Variants in RHCE observed in about 807,000 individuals in gnomAD.
RHCE encodes blood group Rh(CE) polypeptide.
In RHCE, 22 loss-of-function variants were observed where a neutral mutation model predicts 43.8. The observed-to-expected ratio is 0.50, with a 90% confidence interval of 0.36 to 0.72. The LOEUF (loss-of-function observed/expected upper bound fraction) is 0.72. Among genes scored for constraint, RHCE ranks in the 30% least tolerant of loss-of-function variants. RHCE has a pLI of 0.00. For missense variants in RHCE, 385 were observed against 525.4 expected (o/e 0.73, Z 2.61); for synonymous variants, 156 against 210.7 (o/e 0.74, Z 2.25).
chr1:25,401,250 T>A (rs1248818464), intron 3 of RHCE, among the ~76,000 whole-genome samples: 1 of 152,194 alleles, frequency 6.6e-6, no homozygotes, highest in African/African-American at 2.4e-5. Flanking sequence ...TATGTGGTAG[T>A]ACTGCTACCC....
chr1:25,412,415 A>G (rs1307203330), intron 1 of RHCE, among the ~76,000 whole-genome samples: 1 of 152,136 alleles, frequency 6.6e-6, no homozygotes, highest in African/African-American at 2.4e-5. Flanking sequence ...TTGGGGCCCT[A>G]AAGATTAGGA....
intron 7 of RHCE, among the ~76,000 whole-genome samples, chr1:25,379,473 ATATATATATATATATATATATATTTTTT>A (rs1369036119): frequency 8.7e-4 from 11 of 12,586 alleles, no homozygotes; most frequent in African/African-American, 1.7e-3. Flanking sequence ...ATATATATAT[ATATATATATATATATATATATATTTTTT>A]TTTTTTTTTT....
At chr1:25,380,786 C>T (rs1403508720) in intron 7 of RHCE, among the ~76,000 whole-genome samples, 1 of 151,888 alleles carries the variant, frequency 6.6e-6, no homozygotes, top group Non-Finnish European at 1.5e-5. Context: ...GAGCTCTGGG[C>T]CAGTAATGGG....
chr1:25,391,973 C>T, intron 4 of RHCE, 21 bp downstream of exon 4: 1 of 1,613,196 alleles, frequency 6.2e-7, no homozygotes. Flanking sequence ...TATGAGACCA[C>T]TCACCCCACC....
chr1:25,383,466 G>C (rs1646059596), intron 7 of RHCE, among the ~76,000 whole-genome samples: 1 of 152,046 alleles, frequency 6.6e-6, no homozygotes, highest in South Asian at 2.1e-4. Flanking sequence ...ATAAAGAACG[G>C]GGCTATGTTC....
intron 2 of RHCE, among the ~76,000 whole-genome samples, chr1:25,406,600 A>G (rs1646928885): frequency 9.0e-6 from 1 of 110,512 alleles, no homozygotes; most frequent in African/African-American, 2.8e-5. Context: ...GGCATGAACC[A>G]CCGCGCCTGG....
Position 25,402,757 on chromosome 1 carries a change from G to A in RHCE, c.336-11C>T. The A allele has an allele frequency of 6.2e-7, 1 of 1,614,148 alleles. No individual in the cohort carries two copies. The highest frequency in any genetic ancestry group is 8.5e-7 in the Non-Finnish European group (1 of 1,180,000). On this transcript the variant is annotated splice_polypyrimidine_tract_variant and intron_variant, in intron 2 of 9. Coordinates refer to ENST00000294413, the MANE Select transcript of RHCE (RefSeq NM_020485.8). ...GTGGCCAGCCGAATACTGGGGGTGAGAAGGAGAGCCAGGATGACTGAGAAG... is the reference window on the plus strand; with the variant it reads ...GTGGCCAGCCGAATACTGGGGGTGAAAAGGAGAGCCAGGATGACTGAGAAG...
At chr1:25,421,715 A>G (rs1435296388), upstream of RHCE, among the ~76,000 whole-genome samples, 1 of 152,192 alleles carries the variant, frequency 6.6e-6, no homozygotes, top group African/African-American at 2.4e-5. Context: ...GCCTGGCAGA[A>G]GGTCTGGTAC....
intron 7 of RHCE, among the ~76,000 whole-genome samples, chr1:25,377,517 TA>T (rs1422266703): frequency 2.6e-5 from 4 of 151,876 alleles, no homozygotes; most frequent in African/African-American, 9.7e-5. Flanking sequence ...AAACAGGACA[TA>T]AAAGAACTAA....
At chr1:25,377,729 C>A (rs1335951496) in intron 7 of RHCE, among the ~76,000 whole-genome samples, 1 of 152,040 alleles carries the variant, frequency 6.6e-6, no homozygotes, top group Non-Finnish European at 1.5e-5. Flanking sequence ...CCTGTCTCTA[C>A]CAAAAATTAT....
At chr1:25,369,023 A>T (rs1037249424) in intron 9 of RHCE, among the ~76,000 whole-genome samples, 3 of 151,812 alleles carry the variant, frequency 2.0e-5, no homozygotes, top group African/African-American at 7.3e-5. Context: ...GGCCTCCCAA[A>T]GTGCTGGGAT....
chr1:25,384,535 C>T (rs1261738514), intron 7 of RHCE, among the ~76,000 whole-genome samples: 4 of 152,162 alleles, frequency 2.6e-5, no homozygotes, highest in Non-Finnish European at 1.5e-5. Flanking sequence ...GTTATTAAGA[C>T]AGTGGCAGAC....
intron 1 of RHCE, among the ~76,000 whole-genome samples, chr1:25,411,955 G>A (rs1356713810): frequency 6.6e-6 from 1 of 152,204 alleles, no homozygotes; most frequent in Non-Finnish European, 1.5e-5. Context: ...TCCATGAGTA[G>A]AGCAATTCTT....
At chr1:25,394,448 G>A (rs1424916543) in intron 3 of RHCE, among the ~76,000 whole-genome samples, 1 of 151,992 alleles carries the variant, frequency 6.6e-6, no homozygotes, top group Admixed American at 6.6e-5. Context: ...TCACCCCCTT[G>A]ATGAGATGAA....
chr1:25,372,219 C>T (rs1248910344), intron 8 of RHCE, among the ~76,000 whole-genome samples: 1 of 151,556 alleles, frequency 6.6e-6, no homozygotes, highest in Non-Finnish European at 1.5e-5. Flanking sequence ...GTTCTTGTGT[C>T]CAGTTTTAAG....
upstream of RHCE, among the ~76,000 whole-genome samples, chr1:25,424,979 G>A (rs2042794415): frequency 6.6e-6 from 1 of 151,924 alleles, no homozygotes; most frequent in South Asian, 2.1e-4. Context: ...ACCACACTGC[G>A]CTAATTTTTG....
chr1:25,424,253 C>T (rs1270103995), upstream of RHCE, among the ~76,000 whole-genome samples: 4 of 152,200 alleles, frequency 2.6e-5, no homozygotes, highest in African/African-American at 9.7e-5. Flanking sequence ...ATATTTCCTA[C>T]TTACCATGGC....
chr1:25,383,499 C>T (rs1646061014), intron 7 of RHCE, among the ~76,000 whole-genome samples: 1 of 152,194 alleles, frequency 6.6e-6, no homozygotes, highest in Non-Finnish European at 1.5e-5. Flanking sequence ...TGCACAGCAA[C>T]CCTGTGACAT....
intron 1 of RHCE, among the ~76,000 whole-genome samples, chr1:25,413,017 C>G (rs959749992): frequency 1.3e-4 from 19 of 151,818 alleles, no homozygotes; most frequent in Non-Finnish European, 2.5e-4. Context: ...GAGTGAGACT[C>G]CGGCTCAAAA....
Sources: gnomAD v4.1 joint callset for allele counts (sites outside exome capture counted in the v4.1 genomes callset) on GRCh38, gnomAD v4.1.1 for gene constraint, MANE v1.5 for transcripts, NCBI Gene and HGNC (gene_info 2026-07-23, HGNC 2026-07-21) for gene names.